ST6GAL1: variants seen among roughly 807,000 people sequenced by gnomAD.
ST6GAL1 encodes ST6 beta-galactoside alpha-2,6-sialyltransferase 1.
A neutral mutation model predicts 38.0 loss-of-function variants in ST6GAL1; 20 were observed. The ratio of observed to expected loss-of-function variants is 0.53; its 90% confidence interval spans 0.37 to 0.77. The LOEUF (loss-of-function observed/expected upper bound fraction) is 0.77. Among genes scored for constraint, ST6GAL1 ranks in the 30% least tolerant of loss-of-function variants. The probability of loss-of-function intolerance (pLI) is 0.00; values close to 1 mark genes in which losing one functional copy is unlikely to be tolerated. For synonymous variants in ST6GAL1, 196 were observed against 188.2 expected (o/e 1.04, Z -0.34); for missense variants, 432 against 496.4 (o/e 0.87, Z 1.23).
intron 2 of ST6GAL1, chr3:186,996,664 T>C (rs1459872879): frequency 6.6e-6 from 1 of 152,168 alleles, no homozygotes; most frequent in Non-Finnish European, 1.5e-5. Flanking sequence ...TGGAAGGACC[T>C]ACCAACCAGG....
At position 187,024,474 on chromosome 3, in the gene ST6GAL1, G is replaced by GTATATATATA. The variant is rs68068581; in HGVS notation, c.-182-14257_-182-14248dup. Among the ~76,000 whole-genome samples, 7 of 135,266 alleles carry GTATATATATA rather than the reference G, an allele frequency of 5.2e-5. No individual in the cohort carries two copies. In the South Asian group the frequency reaches 9.7e-4, roughly 19 times the overall value. 88.7% of individuals were successfully genotyped at this position (135,266 alleles called of 152,430 possible). A position where few individuals can be genotyped will look rare whatever the true frequency, so the allele number is the denominator to read the frequency against. ...CACACATATATACACATATATATGT[G>GTATATATATA]TATATATATATATATATATAGAGAG... On this transcript the variant is annotated intron_variant, in intron 2 of 7. Transcript: ENST00000169298.
chr3:186,959,547 C>A (rs2064580473), intron 1 of ST6GAL1, among the ~76,000 whole-genome samples: 1 of 152,152 alleles, frequency 6.6e-6, no homozygotes, highest in Non-Finnish European at 1.5e-5. Flanking sequence ...AATAAAGGAA[C>A]ATTTATGGTG....
At chr3:187,021,666 G>A (rs1455518353) in intron 2 of ST6GAL1, among the ~76,000 whole-genome samples, 45 of 150,892 alleles carry the variant, frequency 3.0e-4, no homozygotes, top group Admixed American at 2.8e-3. Flanking sequence ...GCTTGAACCC[G>A]GGAGGCAGAG....
chr3:187,019,602 AAGAG>A (rs1717228558), intron 2 of ST6GAL1, among the ~76,000 whole-genome samples: 2 of 152,224 alleles, frequency 1.3e-5, no homozygotes, highest in South Asian at 4.1e-4. Flanking sequence ...GATATGAGGA[AAGAG>A]AAAGAAGGGT....
chr3:186,987,247 G>T (rs1715976637), intron 2 of ST6GAL1, among the ~76,000 whole-genome samples: 1 of 150,390 alleles, frequency 6.6e-6, no homozygotes, highest in Non-Finnish European at 1.5e-5. Context: ...AGAAAGGAAA[G>T]AAAGGAAGAA....
chr3:187,060,371 G>T (rs996949425), intron 5 of ST6GAL1, among the ~76,000 whole-genome samples: 4 of 152,102 alleles, frequency 2.6e-5, no homozygotes, highest in Non-Finnish European at 4.4e-5. Flanking sequence ...GTGTTGGCCA[G>T]GTTAGTCTCA....
At chr3:186,969,918 A>G (rs1188970548) in intron 2 of ST6GAL1, among the ~76,000 whole-genome samples, 1 of 152,236 alleles carries the variant, frequency 6.6e-6, no homozygotes, top group East Asian at 1.9e-4. Flanking sequence ...TTTGGAGCGA[A>G]GAGTCTGAAC....
Position 186,954,575 on chromosome 3 carries a change from G to T in ST6GAL1, c.-324-9210G>T, listed in dbSNP as rs1485882625. On this transcript the variant is annotated intron_variant, in intron 1 of 7. Transcript: ENST00000169298. ...TGGTTTTGATTTGCATTTTTCTAAT[G>T]ATGCATGGTGTTGAGCATTTTTTCA... 5.9e-5 allele frequency among the ~76,000 whole-genome samples: 9 copies of T among 152,146 alleles called. No individual in the cohort carries two copies. In the East Asian group the frequency reaches 1.5e-3, roughly 26 times the overall value.
chr3:187,071,185 C>T (rs991098768), intron 5 of ST6GAL1, among the ~76,000 whole-genome samples: 30 of 152,132 alleles, frequency 2.0e-4, no homozygotes, highest in East Asian at 1.2e-3. Context: ...TTCTTGCTTT[C>T]GTTTCAGTCA....
intron 2 of ST6GAL1, among the ~76,000 whole-genome samples, chr3:186,969,342 AGC>A (rs1001847126): frequency 1.3e-5 from 2 of 152,126 alleles, no homozygotes; most frequent in Admixed American, 6.6e-5. Context: ...CGTGAGCCAC[AGC>A]GCGCAGCCCA....
At chr3:187,054,336 G>A (rs554081348) in intron 5 of ST6GAL1, among the ~76,000 whole-genome samples, 5 of 152,270 alleles carry the variant, frequency 3.3e-5, no homozygotes, top group African/African-American at 1.2e-4. Flanking sequence ...CCAACACTAT[G>A]TTGAATAGGA....
At chr3:187,017,792 C>A (rs1328047644) in intron 2 of ST6GAL1, among the ~76,000 whole-genome samples, 1 of 152,166 alleles carries the variant, frequency 6.6e-6, no homozygotes, top group African/African-American at 2.4e-5. Flanking sequence ...TTGGAAAGAA[C>A]GGCCGCCTGG....
chr3:186,946,488 C>T (rs1714375607), intron 1 of ST6GAL1, among the ~76,000 whole-genome samples: 1 of 152,012 alleles, frequency 6.6e-6, no homozygotes, highest in Admixed American at 6.6e-5. Context: ...TTCAAGTGAT[C>T]CTCCCGCCGG....
In ST6GAL1 at chr3:186,985,874, C is replaced by T. The variant is rs777355398; in HGVS notation, c.-183+21948C>T. ...GTCATGTGGAAGCAGGAATCTTCCC[C>T]GTGTATGTGGGCATTTCAGGACTGG... On this transcript the variant is annotated intron_variant, in intron 2 of 7. Coordinates refer to ENST00000169298, the MANE Select transcript of ST6GAL1 (RefSeq NM_173216.2). Among the ~76,000 whole-genome samples the T allele has an allele frequency of 2.3e-4, 35 of 152,208 alleles. No homozygotes were observed. The South Asian group carries it at 5.6e-3, about 24-fold the overall frequency.
At chr3:186,962,868 A>T (rs2108526749) in intron 1 of ST6GAL1, among the ~76,000 whole-genome samples, 1 of 152,262 alleles carries the variant, frequency 6.6e-6, no homozygotes, top group Admixed American at 6.5e-5. Context: ...GGGTACGTAT[A>T]TATTATGCAG....
intron 2 of ST6GAL1, among the ~76,000 whole-genome samples, chr3:187,035,427 AAAG>A (rs886414154): frequency 2.6e-5 from 4 of 152,222 alleles, no homozygotes; most frequent in Admixed American, 1.3e-4. Context: ...TGTAACCAAA[AAAG>A]AGTACAAATA....
chr3:187,026,537 A>G (rs1026659616), intron 2 of ST6GAL1, among the ~76,000 whole-genome samples: 1 of 152,232 alleles, frequency 6.6e-6, no homozygotes, highest in Non-Finnish European at 1.5e-5. Flanking sequence ...CCTTTTAAGT[A>G]TTGTTATCCT....
intron 1 of ST6GAL1, among the ~76,000 whole-genome samples, chr3:186,933,784 C>G (rs1185657099): frequency 6.6e-6 from 1 of 152,186 alleles, no homozygotes; most frequent in South Asian, 2.1e-4. Flanking sequence ...TGTTGGTACT[C>G]CAGAGAAAAG....
chr3:187,072,769 T>C, intron 5 of ST6GAL1, 80 bp from the exon 6 acceptor site: 10 of 1,251,454 alleles, frequency 8.0e-6, no homozygotes, highest in Non-Finnish European at 1.2e-5. Flanking sequence ...GGCTGTACCT[T>C]GTGCTATGTC....
Sources: allele counts gnomAD v4.1 joint callset (sites outside exome capture counted in the v4.1 genomes callset), GRCh38; gene constraint gnomAD v4.1.1; transcripts MANE v1.5; gene names NCBI Gene and HGNC (gene_info 2026-07-23, HGNC 2026-07-21).